Variants in ADAMTS2 observed in about 807,000 individuals in gnomAD.
The protein encoded by ADAMTS2 is A disintegrin and metalloproteinase with thrombospondin motifs 2.
ADAMTS2 carries 50 observed loss-of-function variants against 123.0 expected under a neutral mutation model. The ratio of observed to expected loss-of-function variants is 0.41; its 90% confidence interval spans 0.32 to 0.51. The LOEUF (loss-of-function observed/expected upper bound fraction) is 0.51, where lower values mean the gene tolerates loss of function less well. Ranked by LOEUF, ADAMTS2 falls within the 20% of genes least tolerant of loss-of-function variation. The pLI, the probability that ADAMTS2 is intolerant of heterozygous loss-of-function variation, is 0.35. For synonymous variants in ADAMTS2, 678 were observed against 695.4 expected (o/e 0.98, Z 0.39); for missense variants, 1,494 against 1,705.2 (o/e 0.88, Z 2.18).
chr5:179,261,988 G>A (rs1331377471), intron 3 of ADAMTS2, among the ~76,000 whole-genome samples: 1 of 152,236 alleles, frequency 6.6e-6, no homozygotes, highest in Non-Finnish European at 1.5e-5. Flanking sequence ...CTGGCTGCCT[G>A]TGGGGCTGCA....
In ADAMTS2 at chr5:179,189,893, G is replaced by A. The variant is rs914823761; in HGVS notation, c.892-8738C>T. ...TCATACAAAGTAGATTCACAAGGGC[G>A]GGTCCGGCGGGGGCGGGTGGCAATA... On this transcript the variant is annotated intron_variant, in intron 4 of 21. Transcript: ENST00000251582. The surrounding 1 kb of genome is among the most constrained non-coding windows in gnomAD (Gnocchi z 4.2). 4.0e-5 allele frequency among the ~76,000 whole-genome samples: 6 copies of A among 151,722 alleles called. No homozygotes were observed. The highest frequency in any genetic ancestry group is 1.2e-4 in the African/African-American group (5 of 41,200).
chr5:179,182,892 G>A (rs940890360), intron 4 of ADAMTS2, among the ~76,000 whole-genome samples: 1 of 152,134 alleles, frequency 6.6e-6, no homozygotes, highest in Non-Finnish European at 1.5e-5. Flanking sequence ...TCGCCCCTGT[G>A]GCTGACAAGA....
At chr5:179,299,299 G>GTCAGGAGAT (rs1561706710) in intron 2 of ADAMTS2, among the ~76,000 whole-genome samples, 1 of 130,704 alleles carries the variant, frequency 7.7e-6, no homozygotes, top group Non-Finnish European at 1.6e-5. Flanking sequence ...GGAGGCTGAG[G>GTCAGGAGAT]CGGGCGGATC....
Position 179,154,717 on chromosome 5 carries a change from G to A in ADAMTS2, c.1238+97C>T, listed in dbSNP as rs2113254117. ...CACACCCCAAGTGGCTTTGACACAG[G>A]GCGTGTCCCTCTTAAGGCACAGAGG... On this transcript the variant is annotated intron_variant, in intron 7 of 21. Coordinates refer to ENST00000251582, the MANE Select transcript of ADAMTS2 (RefSeq NM_014244.5). 5.8e-6 allele frequency: 6 copies of A among 1,035,194 alleles called. No homozygotes were observed. In the East Asian group the frequency reaches 1.6e-4, roughly 27 times the overall value. The allele number at this position is 1,035,194 out of a possible 1,614,324, so 64.1% of individuals were successfully genotyped here. A position where few individuals can be genotyped will look rare whatever the true frequency, so the allele number is the denominator to read the frequency against.
intron 2 of ADAMTS2, among the ~76,000 whole-genome samples, chr5:179,325,971 C>T (rs144183199): frequency 0.013 from 2,014 of 152,336 alleles, 47 homozygotes; most frequent in African/African-American, 0.046. Flanking sequence ...AACGGCCAGG[C>T]GGCCAAGTCC....
Position 179,256,686 on chromosome 5 carries a change from G to A in ADAMTS2, c.688+16225C>T, listed in dbSNP as rs941417016. Among the ~76,000 whole-genome samples the A allele has an allele frequency of 6.6e-6, 1 of 152,178 alleles. No individual in the cohort carries two copies. Among genetic ancestry groups the A allele is most frequent in the African/African-American group, 2.4e-5 (1 of 41,446 alleles). ...CGGCAGGGAGGGAGGGGTTGTGTTC[G>A]CCCATCCAGAGGAGGCACAGAGCCT... On this transcript the variant is annotated intron_variant, in intron 3 of 21. Coordinates refer to ENST00000251582, the MANE Select transcript of ADAMTS2 (RefSeq NM_014244.5). The surrounding 1 kb of genome is among the most constrained non-coding windows in gnomAD (Gnocchi z 4.1).
At chr5:179,116,682 T>C (rs527751487) in intron 21 of ADAMTS2, among the ~76,000 whole-genome samples, 15 of 152,316 alleles carry the variant, frequency 9.8e-5, no homozygotes, top group Non-Finnish European at 1.9e-4. Context: ...TCAATGTGAA[T>C]AACTGAGGAA....
At chr5:179,235,059 C>A (rs1433232915) in intron 3 of ADAMTS2, among the ~76,000 whole-genome samples, 1 of 152,234 alleles carries the variant, frequency 6.6e-6, no homozygotes, top group African/African-American at 2.4e-5. Context: ...CCCTTTCTGG[C>A]AGACTCCTAT....
chr5:179,281,188 T>C (rs550847280), intron 2 of ADAMTS2, among the ~76,000 whole-genome samples: 1 of 152,368 alleles, frequency 6.6e-6, no homozygotes, highest in African/African-American at 2.4e-5. Flanking sequence ...ATAACAGCTT[T>C]ATGGTGCTGT....
intron 3 of ADAMTS2, among the ~76,000 whole-genome samples, chr5:179,261,587 C>T (rs939922068): frequency 1.3e-5 from 2 of 152,240 alleles, no homozygotes; most frequent in Admixed American, 1.3e-4. Context: ...ATGTCCCCAC[C>T]CCTGAGTTTC....
chr5:179,337,930 A>G (rs1757663885), intron 2 of ADAMTS2, among the ~76,000 whole-genome samples: 1 of 151,512 alleles, frequency 6.6e-6, no homozygotes, highest in Non-Finnish European at 1.5e-5. Context: ...GGCCTGGGTG[A>G]GGACCTGGCC....
chr5:179,248,861 G>A (rs1170090923), intron 3 of ADAMTS2, among the ~76,000 whole-genome samples: 1 of 152,046 alleles, frequency 6.6e-6, no homozygotes, highest in Non-Finnish European at 1.5e-5. Context: ...GAAAATAGAG[G>A]ACATGAACAA....
intron 2 of ADAMTS2, among the ~76,000 whole-genome samples, chr5:179,297,863 C>T (rs1018127568): frequency 7.2e-5 from 11 of 152,138 alleles, no homozygotes; most frequent in Non-Finnish European, 1.5e-4. Context: ...AGAACCGGGT[C>T]TCTTCAATCC....
intron 3 of ADAMTS2, among the ~76,000 whole-genome samples, chr5:179,220,224 C>A (rs558923709): frequency 1.3e-5 from 2 of 152,316 alleles, no homozygotes; most frequent in African/African-American, 4.8e-5. Flanking sequence ...AAGATCCCCA[C>A]GGGTCCCAAA....
In ADAMTS2 at chr5:179,154,234, G is replaced by C. The variant is rs548392513; in HGVS notation, c.1239-42C>G. The C allele has an allele frequency of 3.3e-6, 5 of 1,536,516 alleles. No homozygotes were observed. In the East Asian group the frequency reaches 9.8e-5, roughly 30 times the overall value. On this transcript the variant is annotated intron_variant, in intron 7 of 21. Coordinates refer to ENST00000251582, the MANE Select transcript of ADAMTS2 (RefSeq NM_014244.5). ...AGCTGGCTGAATCCCACTGGCACAC[G>C]GGTCTGCCAGTCCCACCCCACCCCG... is the stretch of plus-strand genomic sequence containing the variant.
intron 2 of ADAMTS2, among the ~76,000 whole-genome samples, chr5:179,323,133 G>T (rs2113596927): frequency 6.6e-6 from 1 of 152,334 alleles, no homozygotes; most frequent in South Asian, 2.1e-4. Flanking sequence ...GAGGCCTGGT[G>T]CCCTCGAGAG....
intron 21 of ADAMTS2, among the ~76,000 whole-genome samples, chr5:179,119,656 C>G (rs1029512474): frequency 6.6e-6 from 1 of 152,214 alleles, no homozygotes; most frequent in Non-Finnish European, 1.5e-5. Context: ...GGGGCTGGCC[C>G]AGCCCCCCAC....
intron 2 of ADAMTS2, among the ~76,000 whole-genome samples, chr5:179,316,889 T>C (rs1370488752): frequency 6.6e-6 from 1 of 152,012 alleles, no homozygotes; most frequent in Non-Finnish European, 1.5e-5. Flanking sequence ...TGCAGGGAGC[T>C]ACGATTGCAC....
At chr5:179,263,562 G>A (rs1766286022) in intron 3 of ADAMTS2, among the ~76,000 whole-genome samples, 1 of 152,238 alleles carries the variant, frequency 6.6e-6, no homozygotes, top group Non-Finnish European at 1.5e-5. Context: ...AGTTTGGGAT[G>A]GGAGGCGTGG....
Sources: allele counts gnomAD v4.1 joint callset (sites outside exome capture counted in the v4.1 genomes callset), GRCh38; gene constraint gnomAD v4.1.1; non-coding constraint Gnocchi (gnomAD v3.1); transcripts MANE v1.5; gene names NCBI Gene and HGNC (gene_info 2026-07-23, HGNC 2026-07-21).